The following MYO9A variants were observed in gnomAD, a reference collection of about 807,000 sequenced individuals.
MYO9A encodes myosin IXA.
Under a neutral mutation model 293.3 loss-of-function variants are expected in MYO9A, and 103 were observed. That is an observed-to-expected ratio of 0.35 (90% CI 0.30 to 0.41). MYO9A has a LOEUF of 0.41. Ranked by LOEUF, MYO9A falls within the 10% of genes least tolerant of loss-of-function variation. MYO9A has a pLI of 1.00. For missense variants in MYO9A, 2,685 were observed against 3,033.0 expected, an observed-to-expected ratio of 0.89 and a Z score of 2.69; for synonymous variants, 1,001 against 1,035.7, an observed-to-expected ratio of 0.97 and a Z score of 0.64.
intron 13 of MYO9A, among the ~76,000 whole-genome samples, chr15:71,965,721 G>C (rs1465818859): frequency 6.6e-6 from 1 of 152,176 alleles, no homozygotes; most frequent in Non-Finnish European, 1.5e-5. Flanking sequence ...CCTGGCAAAA[G>C]AGCGAAGCGA....
At chr15:72,050,964 C>T (rs766599915) in intron 1 of MYO9A, among the ~76,000 whole-genome samples, 16 of 152,214 alleles carry the variant, frequency 1.1e-4, no homozygotes, top group Admixed American at 5.2e-4. Flanking sequence ...AGTTATTTTT[C>T]TTGTAGTCTT....
At chr15:72,082,941 G>T (rs1034064704) in intron 1 of MYO9A, among the ~76,000 whole-genome samples, 2 of 150,416 alleles carry the variant, frequency 1.3e-5, no homozygotes, top group Non-Finnish European at 3.0e-5. Flanking sequence ...TCCTGTTGAG[G>T]ATTTTTGCAT....
intron 19 of MYO9A, among the ~76,000 whole-genome samples, chr15:71,915,834 G>C (rs1353383589): frequency 6.6e-6 from 1 of 152,050 alleles, no homozygotes; most frequent in Non-Finnish European, 1.5e-5. Context: ...GATTTGAGAA[G>C]AATGGAAGAG....
At chr15:71,963,491 C>G (rs1433950006) in intron 13 of MYO9A, among the ~76,000 whole-genome samples, 1 of 152,098 alleles carries the variant, frequency 6.6e-6, no homozygotes, top group Non-Finnish European at 1.5e-5. Context: ...TCTTGTTGCT[C>G]AGGCTGGAGT....
chr15:71,989,344 C>T (rs1015487187), intron 11 of MYO9A, among the ~76,000 whole-genome samples: 23 of 152,154 alleles, frequency 1.5e-4, no homozygotes, highest in African/African-American at 5.6e-4. Context: ...CATCCTAGAA[C>T]TAAGAGACCA....
chr15:72,047,772 TCC>T (rs1299666051), intron 1 of MYO9A, among the ~76,000 whole-genome samples: 144 of 99,372 alleles, frequency 1.4e-3, no homozygotes, highest in Non-Finnish European at 2.3e-3. Flanking sequence ...TTCAGTTACT[TCC>T]TTTTTTTTTT....
chr15:71,888,072 AT>A lies in MYO9A; in HGVS notation c.5186del (p.His1729LeufsTer14). ...FSSVDEQAKLHKTMSQGEITK... is the reference protein window; with the variant it reads ...FSSVDEQAKLXKTMSQGEITK... ...TAATCTCTCCTTGAGACATAGTCTT[AT>A]GAAGTTTTGCTTGTTCATCAACTGA... is the stretch of plus-strand genomic sequence containing the variant. On this transcript the variant is annotated frameshift_variant, in exon 27 of 42. Transcript: ENST00000356056. LOFTEE classifies it high-confidence loss of function. 6.2e-7 allele frequency: 1 copy of A among 1,610,938 alleles called. No homozygotes were observed. Among genetic ancestry groups the A allele is most frequent in the Admixed American group, 1.7e-5 (1 of 59,634 alleles).
At chr15:71,973,695 T>C (rs2076069157) in intron 12 of MYO9A, among the ~76,000 whole-genome samples, 1 of 152,202 alleles carries the variant, frequency 6.6e-6, no homozygotes, top group African/African-American at 2.4e-5. Context: ...ACTAGCTTTA[T>C]GATGATAAGG....
rs2080321611 is a variant in MYO9A at position 72,101,515 on chromosome 15, G to C, written c.-72+16165C>G. 2.2e-4 allele frequency among the ~76,000 whole-genome samples: 27 copies of C among 120,588 alleles called. No homozygotes were observed. The South Asian group carries it at 7.0e-3, about 31-fold the overall frequency. The allele number at this position is 120,588 out of a possible 152,430, so 79.1% of individuals were successfully genotyped here. A position where few individuals can be genotyped will look rare whatever the true frequency, so the allele number is the denominator to read the frequency against. On this transcript the variant is annotated intron_variant, in intron 1 of 41. Transcript: ENST00000356056. ...AGCCGCCCCGTCCGGGAGGGAGGTG[G>C]GGGGGTCAGCCCCCCGCCCGGCCAG...
At chr15:71,901,405 C>A (rs1383023041) in intron 22 of MYO9A, 65 bp from the exon 23 acceptor site, 2 of 1,489,662 alleles carry the variant, frequency 1.3e-6, no homozygotes, top group Admixed American at 4.3e-5. Flanking sequence ...TTTCATGAAT[C>A]ATCCTTTCTG....
At chr15:71,949,327 C>G (rs572195875) in intron 15 of MYO9A, among the ~76,000 whole-genome samples, 1 of 151,902 alleles carries the variant, frequency 6.6e-6, no homozygotes, top group Non-Finnish European at 1.5e-5. Context: ...TTCAGCCACA[C>G]GAGGAGGCTG....
At chr15:71,855,192 G>A (rs557699277) in intron 34 of MYO9A, among the ~76,000 whole-genome samples, 1 of 152,188 alleles carries the variant, frequency 6.6e-6, no homozygotes, top group Non-Finnish European at 1.5e-5. Flanking sequence ...CTGGAGTGCA[G>A]TGATGCGATC....
At position 71,899,902 on chromosome 15, in the gene MYO9A, C is replaced by T; in HGVS notation, c.3255G>A (p.Trp1085Ter). The T allele has an allele frequency of 6.2e-7, 1 of 1,614,082 alleles. No homozygotes were observed. Among genetic ancestry groups the T allele is most frequent in the Non-Finnish European group, 8.5e-7 (1 of 1,180,036 alleles). Residue 1085 changes from tryptophan (W) to a stop codon, truncating the protein, a stop_gained, in exon 24 of 42, where the codon TGG (tryptophan) becomes TGA (stop). Coordinates refer to ENST00000356056, the MANE Select transcript of MYO9A (RefSeq NM_006901.4). LOFTEE classifies it high-confidence loss of function. ...ASAAALLQAS[W>*]RAHLERQRYL... The stretch of plus-strand genomic sequence containing the variant: ...ACCGCTGCCTCTCTAAGTGAGCACG[C>T]CAGGAAGCTTGGAGAAGAGCAGCTG...
rs748882578 is a variant in MYO9A, at chr15:71,978,151, T to C, written c.1844+20A>G. The C allele has an allele frequency of 6.2e-7, 1 of 1,608,290 alleles. No individual in the cohort carries two copies. The highest frequency in any genetic ancestry group is 8.5e-7 in the Non-Finnish European group (1 of 1,178,560). ...AAAGCCAAAACAGCCAATAACAAAA[T>C]TGAAAAGAATCACACTCACTTGCTT... On this transcript the variant is annotated intron_variant, in intron 12 of 41. Coordinates refer to ENST00000356056, the MANE Select transcript of MYO9A (RefSeq NM_006901.4).
Position 71,933,725 on chromosome 15 carries a change from A to G in MYO9A, c.2523-16T>C. ...TTTGTTTCTCCTATAGAGATAAATC[A>G]TTCATTAAAAAAAGCTACTGTATAA... On this transcript the variant is annotated splice_polypyrimidine_tract_variant and intron_variant, in intron 17 of 41. Transcript: ENST00000356056. 1 of 1,587,474 alleles carries G rather than the reference A, an allele frequency of 6.3e-7. No homozygotes were observed. Among genetic ancestry groups the G allele is most frequent in the Non-Finnish European group, 8.6e-7 (1 of 1,167,970 alleles).
At chr15:71,970,738 T>C (rs1318366597) in intron 12 of MYO9A, among the ~76,000 whole-genome samples, 1 of 152,226 alleles carries the variant, frequency 6.6e-6, no homozygotes. Context: ...ATTACATTAA[T>C]TGTTAAAGCA....
chr15:72,041,900 T>C (rs1312354670), intron 2 of MYO9A, among the ~76,000 whole-genome samples: 1 of 147,936 alleles, frequency 6.8e-6, no homozygotes, highest in Non-Finnish European at 1.5e-5. Flanking sequence ...ACAGTAATAA[T>C]AATAATCACA....
intron 18 of MYO9A, among the ~76,000 whole-genome samples, chr15:71,931,446 T>G (rs1261680727): frequency 6.6e-6 from 1 of 152,234 alleles, no homozygotes; most frequent in East Asian, 1.9e-4. Context: ...AGGTTTCTCA[T>G]GAAAAATCTG....
chr15:71,830,087 C>T (rs2054657080), intron 40 of MYO9A, 22 bp downstream of exon 40: 1 of 1,608,512 alleles, frequency 6.2e-7, no homozygotes, highest in Non-Finnish European at 8.5e-7. Flanking sequence ...AACTGTCTCT[C>T]CCCTTCCTCC....
Sources: gnomAD v4.1 joint callset for allele counts (sites outside exome capture counted in the v4.1 genomes callset) on GRCh38, gnomAD v4.1.1 for gene constraint, MANE v1.5 for transcripts, NCBI Gene and HGNC (gene_info 2026-07-23, HGNC 2026-07-21) for gene names.